NAA50: variants seen among roughly 807,000 people sequenced by gnomAD.
NAA50 encodes N-alpha-acetyltransferase 50, NatE catalytic subunit.
NAA50 carries 7 observed loss-of-function variants against 20.7 expected under a neutral mutation model. That is an observed-to-expected ratio of 0.34 (90% CI 0.19 to 0.63). The LOEUF is 0.63. Ranked by LOEUF, NAA50 falls within the 30% of genes least tolerant of loss-of-function variation. NAA50 has a pLI of 0.75. For synonymous variants in NAA50, 54 were observed against 70.6 expected, an observed-to-expected ratio of 0.77 and a Z score of 1.18; for missense variants, 111 against 199.1, an observed-to-expected ratio of 0.56 and a Z score of 2.66.
At position 113,741,147 on chromosome 3, in the gene NAA50, C is replaced by A. The variant is rs1313132172; in HGVS notation, c.8+4795G>T. On this transcript the variant is annotated intron_variant, in intron 1 of 4. Transcript: ENST00000240922. ...AATGAAGGATAATCAAAGAAACACA[C>A]ATAATTTGGCTTCAAAACATGAACA... 5.5e-6 allele frequency: 3 copies of A among 543,538 alleles called. No individual in the cohort carries two copies. The East Asian group carries it at 1.4e-4, about 25-fold the overall frequency. 33.7% of individuals were successfully genotyped at this position (543,538 alleles called of 1,614,324 possible).
At chr3:113,731,013 T>C (rs1179468634) in intron 1 of NAA50, among the ~76,000 whole-genome samples, 3 of 152,228 alleles carry the variant, frequency 2.0e-5, no homozygotes, top group Admixed American at 6.5e-5. Flanking sequence ...TTGGCATTGT[T>C]AACTTTTAAA....
chr3:113,736,607 A>G (rs967729168), intron 1 of NAA50, among the ~76,000 whole-genome samples: 1 of 152,186 alleles, frequency 6.6e-6, no homozygotes, highest in African/African-American at 2.4e-5. Context: ...ATTGCCAATT[A>G]TGCTCATAAT....
chr3:113,721,755 T>C lies in NAA50; in HGVS notation c.*5A>G. ...CAAGTGCAAGAAAGTTCATTTGTAA[T>C]TTGTTCAGTTGTCTGTCTTTTGCAC... On this transcript the variant is annotated 3_prime_UTR_variant, in exon 5 of 5. Coordinates refer to ENST00000240922, the MANE Select transcript of NAA50 (RefSeq NM_025146.4). 1.9e-6 allele frequency: 3 copies of C among 1,613,610 alleles called. No individual in the cohort carries two copies. The highest frequency in any genetic ancestry group is 1.7e-6 in the Non-Finnish European group (2 of 1,179,694).
chr3:113,723,926 AGAAG>A (rs770519432), intron 2 of NAA50, 29 bp downstream of exon 2: 1 of 1,521,066 alleles, frequency 6.6e-7, no homozygotes, highest in Admixed American at 2.2e-5. Context: ...AAGAAAGAAA[AGAAG>A]GGAGGACAAA....
chr3:113,736,357 ATT>A (rs1313140919), intron 1 of NAA50, among the ~76,000 whole-genome samples: 2 of 152,358 alleles, frequency 1.3e-5, no homozygotes, highest in East Asian at 3.9e-4. Context: ...GATACTTTAT[ATT>A]AAGTCCTTAA....
At chr3:113,722,854 C>A (rs930224354) in intron 4 of NAA50, 52 bp downstream of exon 4, 25 of 1,468,250 alleles carry the variant, frequency 1.7e-5, no homozygotes, top group Admixed American at 2.4e-5. Flanking sequence ...GTAAAGATTT[C>A]TCCTGCCAAT....
At chr3:113,738,410 A>G (rs920302960) in intron 1 of NAA50, among the ~76,000 whole-genome samples, 3 of 152,264 alleles carry the variant, frequency 2.0e-5, no homozygotes, top group African/African-American at 4.8e-5. Context: ...ATCACTTTCC[A>G]TAAGAAATTA....
intron 4 of NAA50, 72 bp downstream of exon 4, chr3:113,722,834 A>C (rs1708153817): frequency 6.9e-7 from 1 of 1,441,654 alleles, no homozygotes; most frequent in Non-Finnish European, 9.3e-7. Context: ...ACCAGATTTT[A>C]AAGTTTCTAG....
At chr3:113,741,687 A>G (rs746890417) in intron 1 of NAA50, among the ~76,000 whole-genome samples, 6 of 152,264 alleles carry the variant, frequency 3.9e-5, no homozygotes, top group Non-Finnish European at 7.3e-5. Context: ...ATTCAATAAG[A>G]TGAGTGCTTG....
intron 2 of NAA50, 41 bp downstream of exon 2, chr3:113,723,918 G>GA (rs1317173664): frequency 6.7e-7 from 1 of 1,490,556 alleles, no homozygotes; most frequent in Non-Finnish European, 8.9e-7. Context: ...AGAACAAAAA[G>GA]AAAGAAAAGA....
At chr3:113,741,715 A>T (rs1352616474) in intron 1 of NAA50, among the ~76,000 whole-genome samples, 1 of 152,248 alleles carries the variant, frequency 6.6e-6, no homozygotes, top group Non-Finnish European at 1.5e-5. Context: ...AAGTGACTTT[A>T]AAAAATCTTT....
Position 113,718,502 on chromosome 3 carries a change from A to AT in NAA50, c.*3257dup, listed in dbSNP as rs963186509. 6.6e-6 allele frequency: 1 copy of AT among 152,228 alleles called. No individual in the cohort carries two copies. The highest frequency in any genetic ancestry group is 1.5e-5 in the Non-Finnish European group (1 of 68,030). The allele number at this position is 152,228 out of a possible 1,614,324, so 9.4% of individuals were successfully genotyped here. A position where few individuals can be genotyped will look rare whatever the true frequency, so the allele number is the denominator to read the frequency against. Reference sequence around the variant, plus strand: ...AAAAAGCAAAAATCTAATTATAACAATTTTGACTAGAAATATTAAATACTG... The same window carrying AT: ...AAAAAGCAAAAATCTAATTATAACAATTTTTGACTAGAAATATTAAATACTG... On this transcript the variant is annotated 3_prime_UTR_variant, in exon 5 of 5. Transcript: ENST00000240922.
rs759835800 is a variant in NAA50, at chr3:113,742,257, A to AGTTTT, written c.8+3680_8+3684dup. 5.9e-5 allele frequency among the ~76,000 whole-genome samples: 9 copies of AGTTTT among 152,088 alleles called. No homozygotes were observed. The East Asian group carries it at 7.7e-4, about 13-fold the overall frequency. The stretch of plus-strand genomic sequence containing the variant: ...AAAACAGCAATAAACCTTTAAAAAA[A>AGTTTT]GTTTTGTTTTGTTTTGTTTTTTAAG... On this transcript the variant is annotated intron_variant, in intron 1 of 4. Transcript: ENST00000240922.
intron 1 of NAA50, among the ~76,000 whole-genome samples, chr3:113,736,388 C>T (rs375520680): frequency 1.2e-3 from 182 of 152,300 alleles, no homozygotes; most frequent in African/African-American, 4.0e-3. Context: ...AATGCAGTTA[C>T]TTATCTGCCT....
chr3:113,728,668 T>C (rs1708231594), intron 1 of NAA50, among the ~76,000 whole-genome samples: 2 of 152,176 alleles, frequency 1.3e-5, no homozygotes, highest in South Asian at 4.1e-4. Context: ...TTTGGTTATC[T>C]TCTCTATAAT....
intron 1 of NAA50, among the ~76,000 whole-genome samples, chr3:113,725,634 C>T (rs1434236264): frequency 6.6e-6 from 1 of 151,924 alleles, no homozygotes; most frequent in Admixed American, 6.6e-5. Flanking sequence ...GGTGTGGTGG[C>T]GTGCACCTAT....
rs531085146 is a variant in NAA50, at chr3:113,719,086, T to C, written c.*2674A>G. 2.6e-5 allele frequency: 4 copies of C among 152,754 alleles called. No individual in the cohort carries two copies. In the East Asian group the frequency reaches 7.7e-4, roughly 29 times the overall value. The allele number at this position is 152,754 out of a possible 1,614,324, so 9.5% of individuals were successfully genotyped here. Reference sequence around the variant, plus strand: ...ACTGCACCAAGTAAACTTAGCCATTTAAGTATTTTTTTAAGTTATTCCCTC... The same window carrying C: ...ACTGCACCAAGTAAACTTAGCCATTCAAGTATTTTTTTAAGTTATTCCCTC... On this transcript the variant is annotated 3_prime_UTR_variant, in exon 5 of 5. Coordinates refer to ENST00000240922, the MANE Select transcript of NAA50 (RefSeq NM_025146.4).
chr3:113,746,173 C>T lies in NAA50; in HGVS notation c.-224G>A. 1 of 551,310 alleles carries T rather than the reference C, an allele frequency of 1.8e-6. No homozygotes were observed. Among genetic ancestry groups the T allele is most frequent in the Non-Finnish European group, 3.2e-6 (1 of 317,380 alleles). The allele number at this position is 551,310 out of a possible 1,614,324, so 34.2% of individuals were successfully genotyped here. On this transcript the variant is annotated 5_prime_UTR_variant, in exon 1 of 5. Coordinates refer to ENST00000240922, the MANE Select transcript of NAA50 (RefSeq NM_025146.4). ...CCGCCGCGCTTGTGCCGCCGCTTCTCCACACGTGCACTCGGGTCTCTCGGC... is the reference window on the plus strand; with the variant it reads ...CCGCCGCGCTTGTGCCGCCGCTTCTTCACACGTGCACTCGGGTCTCTCGGC...
chr3:113,742,069 A>T (rs963665362), intron 1 of NAA50, among the ~76,000 whole-genome samples: 2 of 152,186 alleles, frequency 1.3e-5, no homozygotes, highest in Non-Finnish European at 2.9e-5. Context: ...ATATGAATTC[A>T]TCTCAACACA....
Sources: allele counts gnomAD v4.1 joint callset (sites outside exome capture counted in the v4.1 genomes callset), GRCh38; gene constraint gnomAD v4.1.1; transcripts MANE v1.5; gene names NCBI Gene and HGNC (gene_info 2026-07-23, HGNC 2026-07-21).